Variants in BIN1 observed in about 807,000 individuals in gnomAD.
BIN1 encodes myc box-dependent-interacting protein 1.
BIN1 carries 53 observed loss-of-function variants against 82.0 expected under a neutral mutation model. The ratio of observed to expected loss-of-function variants is 0.65; its 90% CI spans 0.52 to 0.81. The LOEUF (loss-of-function observed/expected upper bound fraction) is 0.81, where lower values mean the gene tolerates loss of function less well. BIN1 is among the 40% of genes least tolerant of loss of function. The pLI, the probability that BIN1 is intolerant of heterozygous loss-of-function variation, is 0.00. For synonymous variants in BIN1, 302 were observed against 328.0 expected (o/e 0.92, Z 0.86); for missense variants, 642 against 784.4 (o/e 0.82, Z 2.17).
At chr2:127,096,209 C>A (rs1410844731) in intron 1 of BIN1, among the ~76,000 whole-genome samples, 2 of 152,180 alleles carry the variant, frequency 1.3e-5, no homozygotes, top group Non-Finnish European at 2.9e-5. Flanking sequence ...GGAGAGCTGA[C>A]TTCTGTCCTG....
intron 1 of BIN1, among the ~76,000 whole-genome samples, chr2:127,102,020 T>C (rs1680417594): frequency 6.6e-6 from 1 of 152,184 alleles, no homozygotes; most frequent in African/African-American, 2.4e-5. Context: ...GCACTTGCTA[T>C]GCCCCAAGCA....
At chr2:127,079,477 C>T (rs763462937) in intron 1 of BIN1, among the ~76,000 whole-genome samples, 5 of 152,302 alleles carry the variant, frequency 3.3e-5, no homozygotes, top group African/African-American at 9.6e-5. Flanking sequence ...TCCAGGCTGA[C>T]GGCATCCCAA....
chr2:127,097,255 G>A (rs539869040), intron 1 of BIN1, among the ~76,000 whole-genome samples: 5 of 152,288 alleles, frequency 3.3e-5, no homozygotes, highest in African/African-American at 1.2e-4. Flanking sequence ...TCCACTGATA[G>A]ACCTCCCAGC....
At chr2:127,085,804 A>G (rs907642680) in intron 1 of BIN1, among the ~76,000 whole-genome samples, 5 of 152,090 alleles carry the variant, frequency 3.3e-5, no homozygotes, top group African/African-American at 9.7e-5. Flanking sequence ...CTGTGCCCCC[A>G]TACCTGGGGC....
chr2:127,081,243 A>C (rs1687260969), intron 1 of BIN1, among the ~76,000 whole-genome samples: 1 of 152,136 alleles, frequency 6.6e-6, no homozygotes, highest in African/African-American at 2.4e-5. Flanking sequence ...TACAGCACCC[A>C]CCCACCATGC....
At chr2:127,106,631 C>T (rs1365485181) in intron 1 of BIN1, among the ~76,000 whole-genome samples, 1 of 152,184 alleles carries the variant, frequency 6.6e-6, no homozygotes, top group African/African-American at 2.4e-5. Context: ...GGGCCCTGTC[C>T]TGCCCCGGCC....
In BIN1 at chr2:127,107,140, G is replaced by T. The variant is rs886054840; in HGVS notation, c.-197C>A. On this transcript the variant is annotated 5_prime_UTR_variant, in exon 1 of 19. Transcript: ENST00000316724. This position sits in a 1 kb window ranked among gnomAD's most constrained non-coding sequence, Gnocchi z 5.9. Reference sequence around the variant, plus strand: ...CGAGCCAGCGAGCTAGCCAGCGAGCGACGCGGGGACAGAGGGAGGGAGAGG... The same window carrying T: ...CGAGCCAGCGAGCTAGCCAGCGAGCTACGCGGGGACAGAGGGAGGGAGAGG... 140 of 517,172 alleles carry T rather than the reference G, an allele frequency of 2.7e-4. 1 individual carries two copies. In the East Asian group the frequency reaches 5.5e-3, roughly 20 times the overall value. 32.0% of individuals were successfully genotyped at this position (517,172 alleles called of 1,614,324 possible).
At position 127,048,332 on chromosome 2, in the gene BIN1, G is replaced by A. The variant is rs565856632; in HGVS notation, c.*194C>T. 1.1e-4 allele frequency: 65 copies of A among 594,248 alleles called. No individual in the cohort carries two copies. The highest frequency in any genetic ancestry group is 3.7e-4 in the African/African-American group (20 of 53,830). 36.8% of individuals were successfully genotyped at this position (594,248 alleles called of 1,614,324 possible). On this transcript the variant is annotated 3_prime_UTR_variant, in exon 19 of 19. Coordinates refer to ENST00000316724, the MANE Select transcript of BIN1 (RefSeq NM_139343.3). ...AGCTTCAGGAACACTGGTGAATTCC[G>A]CCGGACTTGCCGGGACGCGGCTCTT...
chr2:127,087,402 C>T lies in BIN1; in HGVS notation c.85-10696G>A, dbSNP rs1225459911. On this transcript the variant is annotated intron_variant, in intron 1 of 18. Transcript: ENST00000316724. Reference sequence around the variant, plus strand: ...CTCCCCGTCCTCTCTCTCATCCCTCCCAGGGTGCCTGAAATTCCAGCCGGT... The same window carrying T: ...CTCCCCGTCCTCTCTCTCATCCCTCTCAGGGTGCCTGAAATTCCAGCCGGT... Among the ~76,000 whole-genome samples the T allele has an allele frequency of 2.0e-5, 3 of 152,336 alleles. No individual in the cohort carries two copies. In the East Asian group the frequency reaches 5.8e-4, roughly 29 times the overall value.
intron 1 of BIN1, among the ~76,000 whole-genome samples, chr2:127,091,606 TGACCGGGC>T (rs1004302510): frequency 1.3e-5 from 2 of 152,162 alleles, no homozygotes; most frequent in Non-Finnish European, 2.9e-5. Context: ...AAGGGTTGGC[TGACCGGGC>T]GTGGTGGTTC....
chr2:127,058,742 A>G (rs1684034521), intron 11 of BIN1, among the ~76,000 whole-genome samples: 1 of 151,998 alleles, frequency 6.6e-6, no homozygotes, highest in Non-Finnish European at 1.5e-5. Flanking sequence ...CAAGCAGACA[A>G]AAGACCAGGG....
intron 1 of BIN1, among the ~76,000 whole-genome samples, chr2:127,106,628 G>T (rs1245763096): frequency 6.6e-6 from 1 of 152,190 alleles, no homozygotes; most frequent in Non-Finnish European, 1.5e-5. Context: ...GCGGGGCCCT[G>T]TCCTGCCCCG....
intron 1 of BIN1, 98 bp downstream of exon 1, chr2:127,106,762 C>T: frequency 2.1e-6 from 3 of 1,435,456 alleles, no homozygotes; most frequent in Non-Finnish European, 2.8e-6. Context: ...CAGATCCTGG[C>T]GAAGGACCAG....
intron 7 of BIN1, among the ~76,000 whole-genome samples, chr2:127,066,587 C>T (rs1685178741): frequency 6.6e-6 from 1 of 152,224 alleles, no homozygotes; most frequent in South Asian, 2.1e-4. Flanking sequence ...GGCATACCCA[C>T]TCCAGCCCCT....
At position 127,068,908 on chromosome 2, in the gene BIN1, C is replaced by T. The variant is rs1247105686; in HGVS notation, c.519+16G>A. ...GCCCCCTGCAGACGCTGCCCCGACCCGCCTCCAGCCCTTACCTTGGCAATT... is the reference window on the plus strand; with the variant it reads ...GCCCCCTGCAGACGCTGCCCCGACCTGCCTCCAGCCCTTACCTTGGCAATT... On this transcript the variant is annotated intron_variant, in intron 6 of 18. Coordinates refer to ENST00000316724, the MANE Select transcript of BIN1 (RefSeq NM_139343.3). The surrounding 1 kb of genome is among the most constrained non-coding windows in gnomAD (Gnocchi z 4.9). The T allele has an allele frequency of 2.5e-6, 4 of 1,610,686 alleles. No individual in the cohort carries two copies. Among genetic ancestry groups the T allele is most frequent in the African/African-American group, 2.7e-5 (2 of 74,896 alleles).
chr2:127,086,301 G>A (rs1158890394), intron 1 of BIN1, among the ~76,000 whole-genome samples: 3 of 152,122 alleles, frequency 2.0e-5, no homozygotes, highest in Admixed American at 6.5e-5. Flanking sequence ...GCGTGTGTCT[G>A]GAGCTTGCTG....
chr2:127,050,486 C>G lies in BIN1; in HGVS notation c.1609G>C (p.Asp537His). ...AQHDYTATDTDELQLKAGDVV... is the reference protein window; with the variant it reads ...AQHDYTATDTHELQLKAGDVV... ...TCACCAGCCTTGAGCTGCAGCTCGT[C>G]TGTGTCAGTGGCCGTGTAGTCGTGC... The change falls in exon 18 of 19, where the codon GAC becomes CAC. Residue 537 changes from aspartate (D) to histidine (H), a missense_variant. Coordinates refer to ENST00000316724, the MANE Select transcript of BIN1 (RefSeq NM_139343.3). 1 of 1,614,238 alleles carries G rather than the reference C, an allele frequency of 6.2e-7. No individual in the cohort carries two copies. The highest frequency in any genetic ancestry group is 8.5e-7 in the Non-Finnish European group (1 of 1,180,032).
rs1024382172 is a variant in BIN1, at chr2:127,107,073, G to C, written c.-130C>G. 1.0e-6 allele frequency: 1 copy of C among 971,300 alleles called. No individual in the cohort carries two copies. The highest frequency in any genetic ancestry group is 1.4e-6 in the Non-Finnish European group (1 of 727,598). 60.2% of individuals were successfully genotyped at this position (971,300 alleles called of 1,614,324 possible). The stretch of plus-strand genomic sequence containing the variant: ...CGCTCCACGCCGCGCACCCGACAGC[G>C]GAGCCAACTGACGGAGGCGGAGCGT... On this transcript the variant is annotated 5_prime_UTR_variant, in exon 1 of 19. Coordinates refer to ENST00000316724, the MANE Select transcript of BIN1 (RefSeq NM_139343.3). This position sits in a 1 kb window ranked among gnomAD's most constrained non-coding sequence, Gnocchi z 5.9.
chr2:127,065,780 G>A (rs888370089), intron 7 of BIN1, among the ~76,000 whole-genome samples: 4 of 152,216 alleles, frequency 2.6e-5, no homozygotes, highest in Non-Finnish European at 5.9e-5. Context: ...CAACGCTGCC[G>A]AGAGCAAGAG....
Sources: gnomAD v4.1 joint callset for allele counts (sites outside exome capture counted in the v4.1 genomes callset) on GRCh38, gnomAD v4.1.1 for gene constraint, Gnocchi (gnomAD v3.1) non-coding constraint, MANE v1.5 for transcripts, NCBI Gene and HGNC (gene_info 2026-07-23, HGNC 2026-07-21) for gene names.